The following SLC26A4 variants were observed in gnomAD, a reference collection of about 807,000 sequenced individuals.
SLC26A4 encodes pendrin.
In SLC26A4, 93 loss-of-function variants were observed where a neutral mutation model predicts 90.4. That is an observed-to-expected ratio of 1.03 (90% CI 0.87 to 1.22). The LOEUF (loss-of-function observed/expected upper bound fraction) is 1.22, where lower values mean the gene tolerates loss of function less well. Among genes scored for constraint, SLC26A4 ranks in the 50% most tolerant of loss-of-function variants. The probability of loss-of-function intolerance (pLI) is 0.00; values close to 1 mark genes in which losing one functional copy is unlikely to be tolerated. For synonymous variants in SLC26A4, 393 were observed against 354.6 expected (o/e 1.11, Z -1.22); for missense variants, 1,127 against 946.2 (o/e 1.19, Z -2.51).
In SLC26A4 at chr7:107,690,234, A is replaced by T. The variant is rs769217814; in HGVS notation, c.1260A>T (p.Thr420=). 6.4e-7 allele frequency: 1 copy of T among 1,551,138 alleles called. No homozygotes were observed. Among genetic ancestry groups the T allele is most frequent in the Admixed American group, 1.7e-5 (1 of 59,932 alleles). The change falls in exon 10 of 21, where the codon ACA becomes ACT. Residue 420 remains threonine, a synonymous_variant. Transcript: ENST00000644269. ...TAVQESTGGK[T]QVAGIISAAI... ...TCCAGGAGAGCACTGGAGGAAAGAC[A>T]CAGGTAGGAACAACAGCCTTATGAT...
At chr7:107,699,942 AAG>A in intron 14 of SLC26A4, 139 bp from the exon 15 acceptor site, 4 of 628,356 alleles carry the variant, frequency 6.4e-6, no homozygotes, top group Admixed American at 2.7e-5. Context: ...AAAAAAAAAA[AAG>A]AAAAGAAAGA....
At chr7:107,673,793 A>G (rs1341764453) in intron 4 of SLC26A4, among the ~76,000 whole-genome samples, 1 of 152,020 alleles carries the variant, frequency 6.6e-6, no homozygotes, top group African/African-American at 2.4e-5. Flanking sequence ...CGGTGGCGTG[A>G]TCTCAGCTCA....
rs1422548160 is a variant in SLC26A4 at position 107,717,681 on chromosome 7, C to T, written c.*2235C>T. 2.6e-5 allele frequency: 4 copies of T among 152,540 alleles called. No homozygotes were observed. Among genetic ancestry groups the T allele is most frequent in the Non-Finnish European group, 5.9e-5 (4 of 68,014 alleles). The allele number at this position is 152,540 out of a possible 1,614,324, so 9.4% of individuals were successfully genotyped here. A position where few individuals can be genotyped will look rare whatever the true frequency, so the allele number is the denominator to read the frequency against. On this transcript the variant is annotated 3_prime_UTR_variant, in exon 21 of 21. Transcript: ENST00000644269. The stretch of plus-strand genomic sequence containing the variant: ...TATTTTTAACCTATAGGATAAGATT[C>T]CAGTATTGTATATGAGTTTTAACAA...
chr7:107,661,740 G>C lies in SLC26A4; in HGVS notation c.99G>C (p.Gln33His), dbSNP rs967911628. The C allele has an allele frequency of 1.3e-6, 2 of 1,552,000 alleles. No homozygotes were observed. The highest frequency in any genetic ancestry group is 1.9e-5 in the Admixed American group (1 of 52,050). Residue 33 changes from glutamine to histidine, a missense_variant, in exon 2 of 21, where the codon CAG becomes CAC. Coordinates refer to ENST00000644269, the MANE Select transcript of SLC26A4 (RefSeq NM_000441.2). This position sits in a 1 kb window ranked among gnomAD's most constrained non-coding sequence, Gnocchi z 5.1. Reference protein sequence around the residue: ...SRPVYSELAFQQQHERRLQER... With the variant: ...SRPVYSELAFHQQHERRLQER... ...CGGTCTACAGCGAGCTCGCTTTCCAGCAACAGCACGAGCGGCGCCTGCAGG... is the reference window on the plus strand; with the variant it reads ...CGGTCTACAGCGAGCTCGCTTTCCACCAACAGCACGAGCGGCGCCTGCAGG...
At chr7:107,693,665 T>A (rs1791644362) in intron 10 of SLC26A4, 2 of 989,912 alleles carry the variant, frequency 2.0e-6, no homozygotes, top group South Asian at 9.2e-5. Flanking sequence ...CTAACTAGTA[T>A]GGATCTTAGG....
chr7:107,670,753 G>A (rs1790842437), intron 3 of SLC26A4, among the ~76,000 whole-genome samples: 1 of 152,138 alleles, frequency 6.6e-6, no homozygotes, highest in Non-Finnish European at 1.5e-5. Context: ...AGAGTGAAAA[G>A]GCTTGATTTT....
intron 8 of SLC26A4, 71 bp from the exon 9 acceptor site, chr7:107,688,982 G>A: frequency 6.7e-7 from 1 of 1,497,588 alleles, no homozygotes; most frequent in Non-Finnish European, 9.3e-7. Flanking sequence ...AGCAGATATA[G>A]CATTTGATGA....
intron 8 of SLC26A4, 28 bp from the exon 9 acceptor site, chr7:107,689,025 C>T (rs1791493376): frequency 6.2e-7 from 1 of 1,612,990 alleles, no homozygotes; most frequent in African/African-American, 1.3e-5. Flanking sequence ...CAAATCTTCA[C>T]AGCATTTTTC....
chr7:107,663,628 C>G (rs1790632324), intron 3 of SLC26A4, among the ~76,000 whole-genome samples, 193 bp downstream of exon 3: 1 of 152,196 alleles, frequency 6.6e-6, no homozygotes, highest in African/African-American at 2.4e-5. Flanking sequence ...TGCTGCCCCA[C>G]TAGGTGCAGA....
chr7:107,662,473 C>T (rs1435031145), intron 2 of SLC26A4, among the ~76,000 whole-genome samples: 1 of 152,040 alleles, frequency 6.6e-6, no homozygotes. Flanking sequence ...CGTTTTTAAC[C>T]CATCACTCGG....
rs979359413 is a variant in SLC26A4, at chr7:107,715,698, C to T, written c.*252C>T. The stretch of plus-strand genomic sequence containing the variant: ...GGTGTTATAATACGCTGCTGATCTA[C>T]ATCACAGATTTGCTAATAATGTTCA... On this transcript the variant is annotated 3_prime_UTR_variant, in exon 21 of 21. Coordinates refer to ENST00000644269, the MANE Select transcript of SLC26A4 (RefSeq NM_000441.2). 9.2e-6 allele frequency: 5 copies of T among 544,728 alleles called. No individual in the cohort carries two copies. The highest frequency in any genetic ancestry group is 1.6e-5 in the Non-Finnish European group (5 of 304,046). The allele number at this position is 544,728 out of a possible 1,614,324, so 33.7% of individuals were successfully genotyped here. A position where few individuals can be genotyped will look rare whatever the true frequency, so the allele number is the denominator to read the frequency against.
intron 14 of SLC26A4, among the ~76,000 whole-genome samples, chr7:107,699,359 T>C (rs1791824715): frequency 1.3e-5 from 2 of 152,200 alleles, no homozygotes; most frequent in Non-Finnish European, 2.9e-5. Context: ...GTGGCCATTG[T>C]ATGTCAGGGT....
chr7:107,711,770 A>G (rs1584346159), intron 19 of SLC26A4, among the ~76,000 whole-genome samples: 1 of 152,290 alleles, frequency 6.6e-6, no homozygotes, highest in South Asian at 2.1e-4. Context: ...TCACAGGACT[A>G]TCTCAGGACA....
intron 3 of SLC26A4, among the ~76,000 whole-genome samples, chr7:107,671,189 G>A (rs1442161785): frequency 2.0e-5 from 3 of 152,064 alleles, no homozygotes; most frequent in Non-Finnish European, 2.9e-5. Flanking sequence ...TAGACATAAG[G>A]TCTTGCTCTG....
At chr7:107,710,790 A>G (rs1364760993) in intron 19 of SLC26A4, among the ~76,000 whole-genome samples, 1 of 152,192 alleles carries the variant, frequency 6.6e-6, no homozygotes, top group Non-Finnish European at 1.5e-5. Context: ...TTTCTGTCAA[A>G]TACCCAGAAG....
rs75368603 is a variant in SLC26A4 at position 107,682,744 on chromosome 7, C to A, written c.766-458C>A. Among the ~76,000 whole-genome samples, 1,509 of 152,082 alleles carry A rather than the reference C, an allele frequency of 9.9e-3. 26 individuals are homozygous for A. The highest frequency in any genetic ancestry group is 0.035 in the African/African-American group (1,441 of 41,474). The stretch of plus-strand genomic sequence containing the variant: ...AACTGGGAGTTTCAGGTTTATCAGC[C>A]TTTAGTCTCAATGCTGTATCACTGT... On this transcript the variant is annotated intron_variant, in intron 6 of 20. Transcript: ENST00000644269.
chr7:107,714,362 A>G (rs1272165172), intron 20 of SLC26A4, among the ~76,000 whole-genome samples: 2 of 152,126 alleles, frequency 1.3e-5, no homozygotes, highest in Non-Finnish European at 1.5e-5. Context: ...AAAACATTCA[A>G]CCCCCTATAG....
At position 107,715,461 on chromosome 7, in the gene SLC26A4, G is replaced by C; in HGVS notation, c.*15G>C. 1.2e-6 allele frequency: 2 copies of C among 1,608,630 alleles called. No homozygotes were observed. The highest frequency in any genetic ancestry group is 1.7e-6 in the Non-Finnish European group (2 of 1,175,086). ...TTGCATCCTGAAAGTGGGTTCGGGA[G>C]GTCTCTATGAGCAAGGAATACAAGA... On this transcript the variant is annotated 3_prime_UTR_variant, in exon 21 of 21. Transcript: ENST00000644269.
intron 18 of SLC26A4, among the ~76,000 whole-genome samples, chr7:107,708,643 C>T (rs1792096042): frequency 6.6e-6 from 1 of 152,060 alleles, no homozygotes; most frequent in Admixed American, 6.6e-5. Context: ...CACTTCAGGC[C>T]AGGAGTTTGA....
Sources: gnomAD v4.1 joint callset for allele counts (sites outside exome capture counted in the v4.1 genomes callset) on GRCh38, gnomAD v4.1.1 for gene constraint, Gnocchi (gnomAD v3.1) non-coding constraint, MANE v1.5 for transcripts, NCBI Gene and HGNC (gene_info 2026-07-23, HGNC 2026-07-21) for gene names.